Variants in APOB observed in about 807,000 individuals in gnomAD.
The protein encoded by APOB is apolipoprotein B, also known as apolipoprotein B-100.
APOB carries 153 observed loss-of-function variants against 314.1 expected under a neutral mutation model. The ratio of observed to expected loss-of-function variants is 0.49; its 90% CI spans 0.43 to 0.56. The LOEUF is 0.56. Among genes scored for constraint, APOB ranks in the 20% least tolerant of loss-of-function variants. The pLI is 0.00. For synonymous variants in APOB, 2,087 were observed against 2,036.4 expected, an observed-to-expected ratio of 1.02 and a Z score of -0.67; for missense variants, 5,430 against 5,350.7, an observed-to-expected ratio of 1.01 and a Z score of -0.46.
At position 21,014,996 on chromosome 2, in the gene APOB, C is replaced by T. The variant is rs575279232; in HGVS notation, c.3696+77G>A. The T allele has an allele frequency of 2.7e-5, 39 of 1,449,864 alleles. No homozygotes were observed. The African/African-American group carries it at 3.9e-4, about 15-fold the overall frequency. 89.8% of individuals were successfully genotyped at this position (1,449,864 alleles called of 1,614,324 possible). A position where few individuals can be genotyped will look rare whatever the true frequency, so the allele number is the denominator to read the frequency against. ...TGCCTTATACATCTTTGGAAACCTT[C>T]CTGCACCTAGCTCAGAGTTGAGGAT... On this transcript the variant is annotated intron_variant, in intron 23 of 28. Coordinates refer to ENST00000233242, the MANE Select transcript of APOB (RefSeq NM_000384.3).
intron 18 of APOB, among the ~76,000 whole-genome samples, chr2:21,020,446 G>T (rs1426597993): frequency 6.6e-6 from 1 of 152,102 alleles, no homozygotes; most frequent in Non-Finnish European, 1.5e-5. Flanking sequence ...AATGTGCTCT[G>T]ACTGCTCACT....
intron 16 of APOB, 123 bp downstream of exon 16, chr2:21,024,810 T>A: frequency 9.9e-7 from 1 of 1,008,242 alleles, no homozygotes; most frequent in Non-Finnish European, 1.6e-6. Flanking sequence ...CAAACCTCCA[T>A]CTCTGAAGAA....
intron 4 of APOB, among the ~76,000 whole-genome samples, chr2:21,039,531 A>G (rs1339839111): frequency 1.3e-5 from 2 of 152,018 alleles, no homozygotes; most frequent in Admixed American, 1.3e-4. Flanking sequence ...CACAGCCTAC[A>G]CTCTCTCAGA....
Position 21,006,913 on chromosome 2 carries a change from C to G in APOB, c.9955G>C (p.Asp3319His), listed in dbSNP as rs1042021. The change falls in exon 26 of 29, where the codon GAT becomes CAT. Residue 3319 changes from aspartate to histidine, a missense_variant. Transcript: ENST00000233242. ...CTTATGGTACACAATTCCTTGAAAT[C>G]TGGAAGAGAAAGCTTGAGATTTCTA... is the stretch of plus-strand genomic sequence containing the variant. ...VPRNLKLSLP[D>H]FKELCTISHI... 6.2e-7 allele frequency: 1 copy of G among 1,614,056 alleles called. No individual in the cohort carries two copies. Among genetic ancestry groups the G allele is most frequent in the Non-Finnish European group, 8.5e-7 (1 of 1,179,966 alleles).
intron 9 of APOB, among the ~76,000 whole-genome samples, chr2:21,032,965 G>A (rs188478702): frequency 9.9e-5 from 15 of 152,100 alleles, no homozygotes; most frequent in Admixed American, 2.0e-4. Context: ...TATATTTTTC[G>A]TCTGAGTTCT....
In APOB at chr2:21,015,128, T is replaced by A; in HGVS notation, c.3641A>T (p.His1214Leu). Residue 1214 changes from histidine to leucine, a missense_variant, in exon 23 of 29, where the codon CAC becomes CTC. Physicochemically the swap from His to Leu is moderately conservative, Grantham distance 99. This residue lies in a region of APOB where 2,085 missense variants were observed against 2,079.7 expected (regional missense o/e 1.00). Transcript: ENST00000233242. ...LHMYANRLLD[H>L]RVPQTDMTFR... is the part of the protein sequence containing the mutation. Reference sequence around the variant, plus strand: ...AGTCATGTCTGTTTGAGGGACTCTGTGATCCAGGAGTCTATTAGCATACAT... The same window carrying A: ...AGTCATGTCTGTTTGAGGGACTCTGAGATCCAGGAGTCTATTAGCATACAT... The A allele has an allele frequency of 6.2e-7, 1 of 1,614,252 alleles. No individual in the cohort carries two copies. The highest frequency in any genetic ancestry group is 8.5e-7 in the Non-Finnish European group (1 of 1,180,046).
Position 21,006,854 on chromosome 2 carries a change from G to A in APOB, c.10014C>T (p.Thr3338=). 6.2e-7 allele frequency: 1 copy of A among 1,614,010 alleles called. No individual in the cohort carries two copies. Among genetic ancestry groups the A allele is most frequent in the Non-Finnish European group, 8.5e-7 (1 of 1,179,918 alleles). The change falls in exon 26 of 29, where the codon ACC becomes ACT. Residue 3338 remains threonine (T), a synonymous_variant. Coordinates refer to ENST00000233242, the MANE Select transcript of APOB (RefSeq NM_000384.3). ...CACTTGATTTAAAGGAGAAATCATAGGTAATATTGCCCATGGCAGGAATAA... is the reference window on the plus strand; with the variant it reads ...CACTTGATTTAAAGGAGAAATCATAAGTAATATTGCCCATGGCAGGAATAA... ...HIFIPAMGNI[T]YDFSFKSSVI...
intron 5 of APOB, 148 bp downstream of exon 5, chr2:21,037,810 G>A: frequency 1.0e-6 from 1 of 977,364 alleles, no homozygotes; most frequent in South Asian, 1.4e-5. Flanking sequence ...AGGAACCTCG[G>A]GCACCAGTAT....
intron 18 of APOB, among the ~76,000 whole-genome samples, chr2:21,021,639 A>G (rs987519521): frequency 3.3e-5 from 5 of 152,066 alleles, no homozygotes; most frequent in African/African-American, 1.2e-4. Flanking sequence ...CTTGAACCAT[A>G]TTCCTTTACC....
At chr2:21,038,643 A>G (rs1360116917) in intron 4 of APOB, among the ~76,000 whole-genome samples, 2 of 152,120 alleles carry the variant, frequency 1.3e-5, no homozygotes, top group African/African-American at 2.4e-5. Flanking sequence ...GCTGTGTTTT[A>G]ACTTTTTTTG....
At position 21,008,868 on chromosome 2, in the gene APOB, T is replaced by G; in HGVS notation, c.8000A>C (p.Glu2667Ala). The stretch of plus-strand genomic sequence containing the variant: ...GGTTCTGATGATCTTTACTTTCATT[T>G]CTACAAAGTCAATTGTAAAGGAAGG... ...HIPSFTIDFV[E>A]MKVKIIRTID... The change falls in exon 26 of 29, where the codon GAA (glutamate) becomes GCA (alanine). Residue 2667 changes from glutamate to alanine, a missense_variant. By Grantham distance (107) the Glu-to-Ala change is moderately radical. This residue lies in a region of APOB where 3,281 missense variants were observed against 3,171.0 expected (regional missense o/e 1.03). Transcript: ENST00000233242. The G allele has an allele frequency of 6.2e-7, 1 of 1,614,078 alleles. No individual in the cohort carries two copies. Among genetic ancestry groups the G allele is most frequent in the Non-Finnish European group, 8.5e-7 (1 of 1,179,936 alleles).
chr2:21,044,055 C>T lies in APOB; in HGVS notation c.-110G>A. The T allele has an allele frequency of 4.5e-6, 2 of 448,320 alleles. No homozygotes were observed. The highest frequency in any genetic ancestry group is 7.0e-6 in the Non-Finnish European group (2 of 287,530). The allele number at this position is 448,320 out of a possible 1,614,324, so 27.8% of individuals were successfully genotyped here. A position where few individuals can be genotyped will look rare whatever the true frequency, so the allele number is the denominator to read the frequency against. On this transcript the variant is annotated 5_prime_UTR_variant, in exon 1 of 29. Coordinates refer to ENST00000233242, the MANE Select transcript of APOB (RefSeq NM_000384.3). ...AGCAACCGAGAAGGGCACTCAGCCC[C>T]GCAGGTCCCGGTGGGAATGCGCGGC... is the stretch of plus-strand genomic sequence containing the variant.
In APOB at chr2:21,015,166, A is replaced by G; in HGVS notation, c.3603T>C (p.Pro1201=). ...TATTAGCATACATATGCAAGCTCTT[A>G]GGATAATCGGAGAGATCCACAGGGA... ...SNFPVDLSDY[P]KSLHMYANRL... The change falls in exon 23 of 29, where the codon CCT becomes CCC. Residue 1201 remains proline, a synonymous_variant. Coordinates refer to ENST00000233242, the MANE Select transcript of APOB (RefSeq NM_000384.3). 1 of 1,614,190 alleles carries G rather than the reference A, an allele frequency of 6.2e-7. No individual in the cohort carries two copies. Among genetic ancestry groups the G allele is most frequent in the Non-Finnish European group, 8.5e-7 (1 of 1,179,994 alleles).
chr2:21,010,639 A>G lies in APOB; in HGVS notation c.6229T>C (p.Leu2077=), dbSNP rs748458237. 12 of 1,613,988 alleles carry G rather than the reference A, an allele frequency of 7.4e-6. No individual in the cohort carries two copies. Among genetic ancestry groups the G allele is most frequent in the Non-Finnish European group, 9.3e-6 (11 of 1,180,004 alleles). ...CGATTCCTCTCAAAATATTCTTGCA[A>G]GGTCTCAAAAAATGGGAGGTTAATG... is the stretch of plus-strand genomic sequence containing the variant. ...HSINLPFFET[L]QEYFERNRQT... is the part of the protein sequence containing the mutation. The change falls in exon 26 of 29, where the codon TTG becomes CTG. Residue 2077 remains leucine, a synonymous_variant. Transcript: ENST00000233242.
chr2:21,006,636 T>C lies in APOB; in HGVS notation c.10232A>G (p.Asn3411Ser), dbSNP rs773958267. The change falls in exon 26 of 29, where the codon AAC (asparagine) becomes AGC (serine). Residue 3411 changes from asparagine to serine, a missense_variant. Asn to Ser is a conservative substitution (Grantham distance 46). Around this residue, in one of 3 missense-constraint regions of APOB, gnomAD observed 3,281 missense variants for 3,171.0 expected, o/e 1.03. Transcript: ENST00000233242. ...TTTCGTGGTTAAGCTCACAGTACTG[T>C]TATGACTACCCTCCACAAATTTGTT... ...LSNKFVEGSH[N>S]STVSLTTKNM... The C allele has an allele frequency of 5.0e-6, 8 of 1,614,108 alleles. No homozygotes were observed. The highest frequency in any genetic ancestry group is 6.8e-6 in the Non-Finnish European group (8 of 1,179,972).
intron 20 of APOB, among the ~76,000 whole-genome samples, chr2:21,018,609 G>C (rs888265211): frequency 1.3e-5 from 2 of 152,142 alleles, no homozygotes; most frequent in Admixed American, 6.5e-5. Flanking sequence ...CACTTTACCA[G>C]GGAGACTTTC....
chr2:21,041,049 A>G lies in APOB; in HGVS notation c.272T>C (p.Ile91Thr), dbSNP rs148503464. Residue 91 changes from isoleucine to threonine, a missense_variant, in exon 4 of 29, where the codon ATC becomes ACC. By Grantham distance (89) the Ile-to-Thr change is moderately conservative (BLOSUM62 -1). Around this residue, in one of 3 missense-constraint regions of APOB, gnomAD observed 2,085 missense variants for 2,079.7 expected, o/e 1.00. Coordinates refer to ENST00000233242, the MANE Select transcript of APOB (RefSeq NM_000384.3). The stretch of plus-strand genomic sequence containing the variant: ...CAGGGTGCACTGGCTGGTCTTCAGG[A>G]TGAAGCTGCAGAGCTGGGGAACCTC... ...ELEVPQLCSF[I>T]LKTSQCTLKE... 3.1e-6 allele frequency: 5 copies of G among 1,613,000 alleles called. No individual in the cohort carries two copies. The highest frequency in any genetic ancestry group is 3.4e-6 in the Non-Finnish European group (4 of 1,179,848).
intron 27 of APOB, 29 bp downstream of exon 27, chr2:21,004,532 A>C: frequency 6.2e-7 from 1 of 1,612,190 alleles, no homozygotes. Context: ...CAAAAGGTAT[A>C]AGGTTTCAAT....
At position 21,035,658 on chromosome 2, in the gene APOB, T is replaced by C. The variant is rs1663984746; in HGVS notation, c.744A>G (p.Thr248=). Residue 248 remains threonine, a synonymous_variant, in exon 7 of 29, where the codon ACA becomes ACG. Transcript: ENST00000233242. ...LISSSQSCQY[T]LDAKRKHVAE... ...CCACATGCTTCCTCTTAGCGTCCAG[T>C]GTGTACTGACAGGACTGGCTGCTGC... is the stretch of plus-strand genomic sequence containing the variant. 6.2e-7 allele frequency: 1 copy of C among 1,614,084 alleles called. No homozygotes were observed. Among genetic ancestry groups the C allele is most frequent in the Non-Finnish European group, 8.5e-7 (1 of 1,180,024 alleles).
Sources: gnomAD v4.1 joint callset for allele counts (sites outside exome capture counted in the v4.1 genomes callset) on GRCh38, gnomAD v4.1.1 for gene constraint, gnomAD v4.1.1 regional missense constraint, MANE v1.5 for transcripts, NCBI Gene and HGNC (gene_info 2026-07-23, HGNC 2026-07-21) for gene names.